Variants in SPATA9 observed in about 807,000 individuals in gnomAD.
SPATA9 encodes the protein spermatogenesis associated 9.
Under a neutral mutation model 25.5 loss-of-function variants are expected in SPATA9, and 27 were observed. The observed-to-expected ratio is 1.06, with a 90% CI of 0.78 to 1.46. The LOEUF is 1.46. SPATA9 is among the 40% of genes most tolerant of loss of function. The pLI is 0.00. For missense variants in SPATA9, 282 were observed against 297.5 expected (o/e 0.95, Z 0.38); for synonymous variants, 102 against 105.7 (o/e 0.97, Z 0.21).
chr5:95,693,991 T>G (rs2112708848), intron 1 of SPATA9, among the ~76,000 whole-genome samples: 1 of 152,030 alleles, frequency 6.6e-6, no homozygotes, highest in South Asian at 2.1e-4. Flanking sequence ...CGAGACCCCA[T>G]CTCTTCAAAA....
At chr5:95,653,853 G>A (rs970087588), downstream of SPATA9, among the ~76,000 whole-genome samples, 7 of 152,122 alleles carry the variant, frequency 4.6e-5, no homozygotes, top group African/African-American at 7.2e-5. Context: ...AGCTGAGATC[G>A]TGCTACTGCA....
chr5:95,682,552 G>C lies in SPATA9; in HGVS notation c.126C>G (p.Ile42Met). 1 of 1,612,444 alleles carries C rather than the reference G, an allele frequency of 6.2e-7. No homozygotes were observed. The highest frequency in any genetic ancestry group is 8.5e-7 in the Non-Finnish European group (1 of 1,178,746). Residue 42 changes from isoleucine to methionine, a missense_variant, in exon 2 of 5, where the codon ATC becomes ATG. Physicochemically the swap from Ile to Met is conservative, Grantham distance 10 (BLOSUM62 1). Coordinates refer to ENST00000274432, the MANE Select transcript of SPATA9 (RefSeq NM_031952.4). ...VDEFKDEFPT[I>M]LRLSQSNQKR... is the part of the protein sequence containing the mutation. ...CCTGATTAGACTGTGATAATCTTAG[G>C]ATGGTGGGAAATTCATCTTTAAACT...
At chr5:95,725,622 T>C in the SPATA9 span, among the ~76,000 whole-genome samples, 1 of 152,264 alleles carries the variant, frequency 6.6e-6, no homozygotes, top group African/African-American at 2.4e-5. Context: ...TGTGTTGTAT[T>C]GCACAACAAA....
intron 3 of SPATA9, among the ~76,000 whole-genome samples, chr5:95,668,499 G>A (rs73780245): frequency 6.6e-6 from 1 of 152,042 alleles, no homozygotes; most frequent in Non-Finnish European, 1.5e-5. Flanking sequence ...ATAGTGTATG[G>A]TAAAAGCTAA....
intron 3 of SPATA9, among the ~76,000 whole-genome samples, chr5:95,672,458 T>TG (rs1418128294): frequency 1.4e-3 from 203 of 149,942 alleles, no homozygotes; most frequent in South Asian, 7.2e-3. Flanking sequence ...AAAAGAGGTT[T>TG]TTTTTTTTTT....
intron 3 of SPATA9, among the ~76,000 whole-genome samples, chr5:95,667,047 C>T (rs929238406): frequency 2.0e-5 from 3 of 152,154 alleles, no homozygotes; most frequent in African/African-American, 7.2e-5. Flanking sequence ...TATCCTCTAA[C>T]AAACCTATGA....
At chr5:95,712,433 A>G in the SPATA9 span, among the ~76,000 whole-genome samples, 1 of 152,170 alleles carries the variant, frequency 6.6e-6, no homozygotes, top group Non-Finnish European at 1.5e-5. Flanking sequence ...GTAAAAAGTG[A>G]TGCAACTTTC....
chr5:95,691,909 C>T (rs1016844343), intron 1 of SPATA9, among the ~76,000 whole-genome samples: 2 of 152,044 alleles, frequency 1.3e-5, no homozygotes, highest in Admixed American at 1.3e-4. Flanking sequence ...GATTGATTAT[C>T]GAATTTTATC....
intron 2 of SPATA9, among the ~76,000 whole-genome samples, chr5:95,679,999 G>A (rs1270285518): frequency 6.6e-6 from 1 of 152,202 alleles, no homozygotes; most frequent in South Asian, 2.1e-4. Context: ...CCAGGTTCAC[G>A]CCATTCTCCT....
chr5:95,659,868 G>A (rs1265588452), intron 4 of SPATA9, among the ~76,000 whole-genome samples: 1 of 152,064 alleles, frequency 6.6e-6, no homozygotes, highest in Non-Finnish European at 1.5e-5. Context: ...TATGTCTGCT[G>A]GGATGGAACT....
chr5:95,663,679 A>G (rs1000278255), intron 4 of SPATA9, among the ~76,000 whole-genome samples: 1 of 152,210 alleles, frequency 6.6e-6, no homozygotes, highest in African/African-American at 2.4e-5. Flanking sequence ...AAACAACTGT[A>G]GCTAAATAAC....
chr5:95,652,645 C>A, downstream of SPATA9: 1 of 292,874 alleles, frequency 3.4e-6, no homozygotes, highest in Admixed American at 4.6e-5. Context: ...CCCAACTTCT[C>A]TGTACTATAA....
upstream of SPATA9, among the ~76,000 whole-genome samples, chr5:95,700,486 G>T (rs1232030484): frequency 6.6e-6 from 1 of 152,098 alleles, no homozygotes; most frequent in Non-Finnish European, 1.5e-5. Context: ...TTTTCATAGA[G>T]ACAGGGTTTC....
chr5:95,700,578 T>C (rs550148749), upstream of SPATA9, among the ~76,000 whole-genome samples: 34 of 151,660 alleles, frequency 2.2e-4, no homozygotes, highest in Middle Eastern at 3.4e-3. Flanking sequence ...GATTACAGAC[T>C]TGAGCCACCG....
chr5:95,707,351 G>A, the SPATA9 span, among the ~76,000 whole-genome samples: 16 of 152,156 alleles, frequency 1.1e-4, no homozygotes, highest in East Asian at 3.9e-4. Context: ...GTACCCGAGC[G>A]AGTTAGAAAA....
chr5:95,705,296 G>A, the SPATA9 span, among the ~76,000 whole-genome samples: 2 of 152,024 alleles, frequency 1.3e-5, no homozygotes, highest in Non-Finnish European at 2.9e-5. Flanking sequence ...TTAATCACCT[G>A]CCAAAGGCCA....
intron 1 of SPATA9, among the ~76,000 whole-genome samples, chr5:95,697,690 G>A (rs540781915): frequency 6.6e-6 from 1 of 152,140 alleles, no homozygotes; most frequent in Admixed American, 6.5e-5. Context: ...AAGTTTTCCC[G>A]AGTTCTAATT....
At chr5:95,712,623 A>G in the SPATA9 span, among the ~76,000 whole-genome samples, 1 of 152,198 alleles carries the variant, frequency 6.6e-6, no homozygotes, top group African/African-American at 2.4e-5. Context: ...CAAGAAAGTG[A>G]AGGTGCCTCA....
rs1037760716 is a variant in SPATA9, at chr5:95,671,542, T to C, written c.378+3870A>G. 3.3e-5 allele frequency among the ~76,000 whole-genome samples: 5 copies of C among 152,120 alleles called. No homozygotes were observed. In the East Asian group the frequency reaches 9.6e-4, roughly 29 times the overall value. Reference sequence around the variant, plus strand: ...CTCCTGCCTCAGCCTCCTGAGTAGCTGGGATTACAGGTGCCTGCCATCACG... The same window carrying C: ...CTCCTGCCTCAGCCTCCTGAGTAGCCGGGATTACAGGTGCCTGCCATCACG... On this transcript the variant is annotated intron_variant, in intron 3 of 4. Coordinates refer to ENST00000274432, the MANE Select transcript of SPATA9 (RefSeq NM_031952.4).
Sources: allele counts gnomAD v4.1 joint callset (sites outside exome capture counted in the v4.1 genomes callset), GRCh38; gene constraint gnomAD v4.1.1; transcripts MANE v1.5; gene names NCBI Gene and HGNC (gene_info 2026-07-23, HGNC 2026-07-21).